SLC24A3: variants seen among roughly 807,000 people sequenced by gnomAD.
The protein encoded by SLC24A3 is solute carrier family 24 member 3.
SLC24A3 carries 28 observed loss-of-function variants against 75.8 expected under a neutral mutation model. The observed-to-expected ratio is 0.37, with a 90% confidence interval of 0.27 to 0.51. The LOEUF (loss-of-function observed/expected upper bound fraction) is 0.51. Ranked by LOEUF, SLC24A3 falls within the 20% of genes least tolerant of loss-of-function variation. The pLI is 0.94. For synonymous variants in SLC24A3, 372 were observed against 334.1 expected (o/e 1.11, Z -1.24); for missense variants, 663 against 847.8 (o/e 0.78, Z 2.71).
At chr20:19,509,855 T>A (rs1600258963) in intron 2 of SLC24A3, among the ~76,000 whole-genome samples, 1 of 152,190 alleles carries the variant, frequency 6.6e-6, no homozygotes. Flanking sequence ...CCCAGAGAGA[T>A]GAAATGACAG....
intron 3 of SLC24A3, among the ~76,000 whole-genome samples, chr20:19,564,015 A>C (rs2030917991): frequency 1.3e-5 from 2 of 152,182 alleles, no homozygotes; most frequent in South Asian, 4.1e-4. Context: ...AGAAAATTTA[A>C]ATGATCTAAT....
At chr20:19,361,655 T>G (rs1985791417) in intron 2 of SLC24A3, among the ~76,000 whole-genome samples, 1 of 152,188 alleles carries the variant, frequency 6.6e-6, no homozygotes, top group Admixed American at 6.5e-5. Context: ...AGCAGAAAAA[T>G]ACTGTAAACA....
intron 6 of SLC24A3, among the ~76,000 whole-genome samples, chr20:19,650,991 A>G (rs1233407634): frequency 1.3e-5 from 2 of 152,124 alleles, no homozygotes; most frequent in African/African-American, 4.8e-5. Flanking sequence ...AGCCTGCTGT[A>G]AAAGTTTCAT....
chr20:19,414,676 T>G (rs1986797914), intron 2 of SLC24A3, among the ~76,000 whole-genome samples: 1 of 152,194 alleles, frequency 6.6e-6, no homozygotes, highest in South Asian at 2.1e-4. Flanking sequence ...TTTTTAAACA[T>G]TTTTTTCTCC....
At chr20:19,712,031 C>T (rs2032998617) in intron 15 of SLC24A3, among the ~76,000 whole-genome samples, 1 of 152,114 alleles carries the variant, frequency 6.6e-6, no homozygotes, top group African/African-American at 2.4e-5. Context: ...ACTGTAGCCT[C>T]GACCTTCCCA....
At chr20:19,303,094 G>C (rs2122248571) in intron 2 of SLC24A3, among the ~76,000 whole-genome samples, 1 of 152,000 alleles carries the variant, frequency 6.6e-6, no homozygotes. Flanking sequence ...TTTGTGTATA[G>C]ATTATTTCAT....
At chr20:19,452,588 G>A in intron 2 of SLC24A3, among the ~76,000 whole-genome samples, 1 of 151,964 alleles carries the variant, frequency 6.6e-6, no homozygotes, top group East Asian at 1.9e-4. Context: ...AGGCCTGTGG[G>A]GACATTATGT....
At chr20:19,600,687 C>A (rs937735025) in intron 6 of SLC24A3, among the ~76,000 whole-genome samples, 1 of 152,136 alleles carries the variant, frequency 6.6e-6, no homozygotes, top group African/African-American at 2.4e-5. Context: ...GAAATGAGTT[C>A]TTGTCCTGTC....
At chr20:19,371,367 C>G (rs1368222549) in intron 2 of SLC24A3, among the ~76,000 whole-genome samples, 1 of 94,702 alleles carries the variant, frequency 1.1e-5, no homozygotes, top group Non-Finnish European at 1.9e-5. Flanking sequence ...TGGGGATCAC[C>G]GAGCAGTCTG....
intron 3 of SLC24A3, among the ~76,000 whole-genome samples, chr20:19,539,894 C>T (rs900760867): frequency 7.2e-5 from 11 of 152,148 alleles, no homozygotes; most frequent in Non-Finnish European, 1.2e-4. Flanking sequence ...TGTTCAGCTT[C>T]TTCTTAGCCT....
In SLC24A3 at chr20:19,721,361, G is replaced by A; in HGVS notation, c.*221G>A. ...ACCCACCCTTTCCTGCCTCCTCCGT[G>A]TGAAGACATCCAACATCCACGTGAC... On this transcript the variant is annotated 3_prime_UTR_variant, in exon 17 of 17. Coordinates refer to ENST00000328041, the MANE Select transcript of SLC24A3 (RefSeq NM_020689.4). The A allele has an allele frequency of 2.0e-6, 1 of 507,128 alleles. No individual in the cohort carries two copies. Among genetic ancestry groups the A allele is most frequent in the South Asian group, 3.4e-5 (1 of 29,658 alleles). 31.4% of individuals were successfully genotyped at this position (507,128 alleles called of 1,614,324 possible). A position where few individuals can be genotyped will look rare whatever the true frequency, so the allele number is the denominator to read the frequency against.
At chr20:19,648,942 G>A (rs1241273410) in intron 6 of SLC24A3, among the ~76,000 whole-genome samples, 1 of 152,216 alleles carries the variant, frequency 6.6e-6, no homozygotes, top group Non-Finnish European at 1.5e-5. Flanking sequence ...ATCTGTGGAG[G>A]AGTGGATGGG....
intron 2 of SLC24A3, among the ~76,000 whole-genome samples, chr20:19,350,135 C>T (rs367849278): frequency 1.3e-5 from 2 of 152,188 alleles, no homozygotes; most frequent in South Asian, 2.1e-4. Flanking sequence ...GTTACCCACT[C>T]TGCTATTTAT....
rs570073699 is a variant in SLC24A3, at chr20:19,308,421, T to C, written c.271+27334T>C. Among the ~76,000 whole-genome samples, 5 of 152,324 alleles carry C rather than the reference T, an allele frequency of 3.3e-5. No homozygotes were observed. The South Asian group carries it at 1.0e-3, about 32-fold the overall frequency. ...AGTGACTTTCATTTTGTTATGCGTT[T>C]TGTTTGGAGGGTGCAGAAATTAAAC... On this transcript the variant is annotated intron_variant, in intron 2 of 16. Transcript: ENST00000328041.
intron 1 of SLC24A3, among the ~76,000 whole-genome samples, chr20:19,270,811 A>AGAGAGAGAGAGAGATACTAGAAGAGAG (rs1983306747): frequency 2.0e-5 from 3 of 151,052 alleles, no homozygotes; most frequent in Non-Finnish European, 4.4e-5. Flanking sequence ...GGTGGAAGAA[A>AGAGAGAGAGAGAGATACTAGAAGAGAG]GAGAGAGAGA....
intron 2 of SLC24A3, among the ~76,000 whole-genome samples, chr20:19,468,199 G>T (rs979391316): frequency 2.3e-4 from 35 of 152,080 alleles, no homozygotes; most frequent in Admixed American, 6.6e-4. Flanking sequence ...ATATAAGATG[G>T]TAGCTGACAG....
chr20:19,621,740 A>T (rs1194306588), intron 6 of SLC24A3, among the ~76,000 whole-genome samples: 5 of 152,132 alleles, frequency 3.3e-5, no homozygotes, highest in Non-Finnish European at 7.3e-5. Flanking sequence ...CTGCTGCTGT[A>T]CCCAGAACCA....
intron 1 of SLC24A3, among the ~76,000 whole-genome samples, chr20:19,231,334 G>T (rs773133840): frequency 2.0e-5 from 3 of 152,182 alleles, no homozygotes; most frequent in Non-Finnish European, 2.9e-5. Flanking sequence ...ATGTTACGTG[G>T]CAAGGAGGAG....
At chr20:19,461,227 C>G (rs142395859) in intron 2 of SLC24A3, among the ~76,000 whole-genome samples, 2 of 152,290 alleles carry the variant, frequency 1.3e-5, no homozygotes, top group East Asian at 3.9e-4. Context: ...TGAGTTCACT[C>G]CATGTTCTCT....
Sources: gnomAD v4.1 joint callset for allele counts (sites outside exome capture counted in the v4.1 genomes callset) on GRCh38, gnomAD v4.1.1 for gene constraint, MANE v1.5 for transcripts, NCBI Gene and HGNC (gene_info 2026-07-23, HGNC 2026-07-21) for gene names.